ACSL4: variants seen among roughly 807,000 people sequenced by gnomAD.
The protein encoded by ACSL4 is long-chain-fatty-acid--CoA ligase 4.
ACSL4 carries 9 observed loss-of-function variants against 49.1 expected under a neutral mutation model. That is an observed-to-expected ratio of 0.18 (90% CI 0.11 to 0.32). The LOEUF is 0.32. ACSL4 is among the 10% of genes least tolerant of loss of function. The probability of loss-of-function intolerance (pLI) is 1.00; values close to 1 mark genes in which losing one functional copy is unlikely to be tolerated. For missense variants in ACSL4, 333 were observed against 493.7 expected, an observed-to-expected ratio of 0.67 and a Z score of 3.08; for synonymous variants, 191 against 170.3, an observed-to-expected ratio of 1.12 and a Z score of -0.95.
rs563782580 is a variant in ACSL4 at position 109,695,306 on chromosome X, C to T, written c.-13+838G>A. On this transcript the variant is annotated intron_variant, in intron 2 of 15. Coordinates refer to ENST00000672401, the MANE Select transcript of ACSL4 (RefSeq NM_001318510.2). ...GTTGCAGTGAGCCGAGATCACACCA[C>T]TGCACTCCAGTCTGGGTGACAGAGC... 3.0e-4 allele frequency among the ~76,000 whole-genome samples: 33 copies of T among 109,061 alleles called. No individual in the cohort carries two copies. The South Asian group carries it at 7.9e-3, about 26-fold the overall frequency. The allele number at this position is 109,061 out of a possible 115,157, so 94.7% of individuals were successfully genotyped here.
At chrX:109,710,217 C>A (rs192392295) in intron 1 of ACSL4, among the ~76,000 whole-genome samples, 17 of 112,438 alleles carry the variant, frequency 1.5e-4, no homozygotes, top group South Asian at 3.6e-4. Context: ...GCAAAAATAT[C>A]CTAATGATGA....
intron 11 of ACSL4, among the ~76,000 whole-genome samples, chrX:109,667,470 CAGATT>C (rs1325525691): frequency 1.8e-5 from 2 of 112,554 alleles, no homozygotes; most frequent in Admixed American, 9.4e-5. Flanking sequence ...GACAGGAACA[CAGATT>C]TAAGAGGGAG....
Position 109,682,707 on chromosome X carries a change from C to G in ACSL4, c.406+12G>C. 1 of 1,211,377 alleles carries G rather than the reference C, an allele frequency of 8.3e-7. No individual in the cohort carries two copies. The highest frequency in any genetic ancestry group is 1.1e-6 in the Non-Finnish European group (1 of 895,191). ...CCCTCCTCTCCCCCCTCCAAAAACA[C>G]AAGGCACTTACGAGGAAAGTTGTAC... On this transcript the variant is annotated intron_variant, in intron 4 of 15. Transcript: ENST00000672401.
intron 15 of ACSL4, among the ~76,000 whole-genome samples, chrX:109,651,894 A>G (rs931335647): frequency 1.3e-4 from 14 of 111,983 alleles, no homozygotes; most frequent in African/African-American, 4.5e-4. Flanking sequence ...ATTATCTAAT[A>G]CTCCAAGCCA....
chrX:109,685,505 GAC>G (rs1374674667), intron 2 of ACSL4: 2 of 111,647 alleles, frequency 1.8e-5, no homozygotes, highest in Non-Finnish European at 3.8e-5. Flanking sequence ...ACTTTGAAGA[GAC>G]AAACTGAAGC....
At position 109,683,339 on chromosome X, in the gene ACSL4, G is replaced by T; in HGVS notation, c.25C>A (p.Pro9Thr). ...GGACTTCCAGGTTTGTCTGAAGTGGGCTTAGCTTTTATTCTCTTTGCCATA... is the reference window on the plus strand; with the variant it reads ...GGACTTCCAGGTTTGTCTGAAGTGGTCTTAGCTTTTATTCTCTTTGCCATA... MAKRIKAKPTSDKPGSPYR... is the reference protein window; with the variant it reads MAKRIKAKTTSDKPGSPYR... Residue 9 changes from proline (P) to threonine (T), a missense_variant, in exon 3 of 16, where the codon CCC becomes ACC. Physicochemically the swap from Pro to Thr is conservative, Grantham distance 38. Coordinates refer to ENST00000672401, the MANE Select transcript of ACSL4 (RefSeq NM_001318510.2). The T allele has an allele frequency of 8.3e-7, 1 of 1,211,825 alleles. No homozygotes were observed. Among genetic ancestry groups the T allele is most frequent in the Non-Finnish European group, 1.1e-6 (1 of 895,547 alleles).
At chrX:109,729,817 A>C (rs1928287824) in intron 1 of ACSL4, among the ~76,000 whole-genome samples, 1 of 112,257 alleles carries the variant, frequency 8.9e-6, no homozygotes, top group Non-Finnish European at 1.9e-5. Flanking sequence ...CCTTGCACTA[A>C]TCTCCAAGGA....
chrX:109,672,828 C>T (rs1352842990), intron 9 of ACSL4, among the ~76,000 whole-genome samples: 1 of 110,129 alleles, frequency 9.1e-6, no homozygotes, highest in Admixed American at 9.7e-5. Context: ...CTGGTTACAA[C>T]CAACGGGAAG....
At chrX:109,651,658 T>C (rs1937869227) in intron 15 of ACSL4, among the ~76,000 whole-genome samples, 1 of 111,713 alleles carries the variant, frequency 9.0e-6, no homozygotes, top group African/African-American at 3.2e-5. Context: ...AACAGTTAAA[T>C]TCTCAGCTAC....
rs1479294918 is a variant in ACSL4 at position 109,643,930 on chromosome X, T to C, written c.*99A>G. On this transcript the variant is annotated 3_prime_UTR_variant, in exon 16 of 16. Transcript: ENST00000672401. ...TCTTTTTACTCTATCTTTAGAATGA[T>C]ATACCTTACATTCTAACAGTTCAAC... 1 of 937,064 alleles carries C rather than the reference T, an allele frequency of 1.1e-6. No homozygotes were observed. Among genetic ancestry groups the C allele is most frequent in the Non-Finnish European group, 1.5e-6 (1 of 649,951 alleles). 77.2% of individuals were successfully genotyped at this position (937,064 alleles called of 1,213,427 possible). A position where few individuals can be genotyped will look rare whatever the true frequency, so the allele number is the denominator to read the frequency against.
At chrX:109,664,363 C>T (rs2147397766) in intron 12 of ACSL4, among the ~76,000 whole-genome samples, 1 of 111,372 alleles carries the variant, frequency 9.0e-6, no homozygotes, top group Non-Finnish European at 1.9e-5. Context: ...GATTCCACTG[C>T]CTAACAATTA....
intron 15 of ACSL4, among the ~76,000 whole-genome samples, chrX:109,646,078 C>A (rs1201027542): frequency 1.8e-5 from 2 of 111,882 alleles, no homozygotes; most frequent in African/African-American, 6.5e-5. Flanking sequence ...GAGAATGGAA[C>A]CAAGTTGGAA....
At chrX:109,647,772 G>T (rs1282980045) in intron 15 of ACSL4, among the ~76,000 whole-genome samples, 4 of 110,532 alleles carry the variant, frequency 3.6e-5, no homozygotes, top group African/African-American at 6.6e-5. Flanking sequence ...TTGATAGACC[G>T]CTAGCAAGAC....
intron 15 of ACSL4, among the ~76,000 whole-genome samples, chrX:109,648,066 T>C (rs1361620737): frequency 2.7e-5 from 3 of 111,766 alleles, no homozygotes; most frequent in Non-Finnish European, 3.8e-5. Context: ...CATGACCAGA[T>C]GGATTCACAG....
intron 9 of ACSL4, among the ~76,000 whole-genome samples, chrX:109,672,893 A>G (rs1923381268): frequency 1.8e-5 from 2 of 110,666 alleles, no homozygotes; most frequent in African/African-American, 6.6e-5. Context: ...CCCAGCAGGA[A>G]AGGAGCAAAG....
At chrX:109,674,540 T>G (rs749712934) in intron 8 of ACSL4, 67 bp from the exon 9 acceptor site, 201 of 769,896 alleles carry the variant, frequency 2.6e-4, no homozygotes, top group Non-Finnish European at 3.7e-4. Context: ...ATTCAAGTAT[T>G]AATAACAAAT....
intron 1 of ACSL4, among the ~76,000 whole-genome samples, chrX:109,700,268 G>A (rs992336632): frequency 7.7e-5 from 8 of 103,880 alleles, no homozygotes; most frequent in East Asian, 3.1e-4. Flanking sequence ...GGTGGCTCAC[G>A]CCTGCAATCC....
chrX:109,721,741 CAAAAA>C (rs1274870113), intron 1 of ACSL4, among the ~76,000 whole-genome samples: 15 of 108,264 alleles, frequency 1.4e-4, no homozygotes, highest in African/African-American at 4.4e-4. Flanking sequence ...AAAAAAAAAA[CAAAAA>C]AGAAAAGAAA....
rs1019138650 is a variant in ACSL4 at position 109,716,100 on chromosome X, C to T, written c.-66+17039G>A. 3.6e-5 allele frequency among the ~76,000 whole-genome samples: 4 copies of T among 111,508 alleles called. No individual in the cohort carries two copies. The East Asian group carries it at 1.1e-3, about 31-fold the overall frequency. On this transcript the variant is annotated intron_variant, in intron 1 of 15. Transcript: ENST00000672401. The stretch of plus-strand genomic sequence containing the variant: ...CCCTGGGTAATTACAGGTACATGTG[C>T]GTGCATTTGTTCAAGAAATACTCAG...
Sources: allele counts gnomAD v4.1 joint callset (sites outside exome capture counted in the v4.1 genomes callset), GRCh38; gene constraint gnomAD v4.1.1; transcripts MANE v1.5; gene names NCBI Gene and HGNC (gene_info 2026-07-23, HGNC 2026-07-21).